Variants in HCN1 observed in about 807,000 individuals in gnomAD.
HCN1 encodes hyperpolarization activated cyclic nucleotide gated potassium channel 1, also known as potassium/sodium hyperpolarization-activated cyclic nucleotide-gated channel 1.
Under a neutral mutation model 78.9 loss-of-function variants are expected in HCN1, and 13 were observed. The ratio of observed to expected loss-of-function variants is 0.16; its 90% CI spans 0.11 to 0.26. The LOEUF is 0.26. Among genes scored for constraint, HCN1 ranks in the 10% least tolerant of loss-of-function variants. The pLI, the probability that HCN1 is intolerant of heterozygous loss-of-function variation, is 1.00. For missense variants in HCN1, 810 were observed against 1,154.3 expected (o/e 0.70, Z 4.32); for synonymous variants, 552 against 455.5 (o/e 1.21, Z -2.70).
chr5:45,494,569 T>C (rs918259951), intron 2 of HCN1, among the ~76,000 whole-genome samples: 2 of 151,998 alleles, frequency 1.3e-5, no homozygotes, highest in Non-Finnish European at 2.9e-5. Context: ...ACTCTGATGG[T>C]AGTTTCTTTT....
intron 2 of HCN1, among the ~76,000 whole-genome samples, chr5:45,614,701 C>A (rs1744907661): frequency 6.6e-6 from 1 of 152,092 alleles, no homozygotes; most frequent in Non-Finnish European, 1.5e-5. Flanking sequence ...CGTTTTAATA[C>A]TAAATGAGCT....
At chr5:45,326,346 A>C (rs1186750676) in intron 5 of HCN1, among the ~76,000 whole-genome samples, 2 of 151,668 alleles carry the variant, frequency 1.3e-5, no homozygotes, top group Non-Finnish European at 3.0e-5. Context: ...ACGTAGTTGT[A>C]ACCATAATGT....
intron 5 of HCN1, among the ~76,000 whole-genome samples, chr5:45,325,026 G>A (rs1449332249): frequency 6.6e-6 from 1 of 151,690 alleles, no homozygotes; most frequent in East Asian, 1.9e-4. Flanking sequence ...CAGGTGGGAA[G>A]AAGTTTGTAG....
rs568146337 is a variant in HCN1 at position 45,541,182 on chromosome 5, A to C, written c.850-79175T>G. On this transcript the variant is annotated intron_variant, in intron 2 of 7. Coordinates refer to ENST00000303230, the MANE Select transcript of HCN1 (RefSeq NM_021072.4). Reference sequence around the variant, plus strand: ...ATGGTACAAAATGTTTATAGAAATTAATGTATAGAAACTAATGATGGCAGT... The same window carrying C: ...ATGGTACAAAATGTTTATAGAAATTCATGTATAGAAACTAATGATGGCAGT... Among the ~76,000 whole-genome samples the C allele has an allele frequency of 1.2e-3, 180 of 152,314 alleles. 1 individual carries two copies. The highest frequency in any genetic ancestry group is 4.1e-3 in the African/African-American group (171 of 41,590).
At chr5:45,613,208 T>C (rs1744875513) in intron 2 of HCN1, among the ~76,000 whole-genome samples, 1 of 135,712 alleles carries the variant, frequency 7.4e-6, no homozygotes, top group African/African-American at 2.8e-5. Flanking sequence ...CCTGTGTCCA[T>C]GTGATCTCAT....
chr5:45,621,603 G>C (rs1354649216), intron 2 of HCN1, among the ~76,000 whole-genome samples: 1 of 152,112 alleles, frequency 6.6e-6, no homozygotes, highest in Admixed American at 6.5e-5. Flanking sequence ...TTCAGTTTAC[G>C]TTCAGAGGAC....
At chr5:45,657,960 C>G (rs183102474) in intron 1 of HCN1, among the ~76,000 whole-genome samples, 4 of 152,044 alleles carry the variant, frequency 2.6e-5, no homozygotes, top group Non-Finnish European at 5.9e-5. Context: ...AGAACAAAGC[C>G]GGAGGCATCA....
chr5:45,643,106 T>C (rs949625741), intron 2 of HCN1: 2 of 152,138 alleles, frequency 1.3e-5, no homozygotes, highest in African/African-American at 4.8e-5. Context: ...AGCAGTGAGC[T>C]GATGTTCCTA....
At chr5:45,366,011 A>G (rs1365108150) in intron 4 of HCN1, among the ~76,000 whole-genome samples, 4 of 151,914 alleles carry the variant, frequency 2.6e-5, no homozygotes, top group Non-Finnish European at 5.9e-5. Flanking sequence ...CAATTAGCAT[A>G]AATCTAGAGA....
At chr5:45,624,293 C>G (rs1341672013) in intron 2 of HCN1, among the ~76,000 whole-genome samples, 1 of 152,078 alleles carries the variant, frequency 6.6e-6, no homozygotes, top group African/African-American at 2.4e-5. Context: ...CAATAACCCA[C>G]GCAAGAGATT....
intron 2 of HCN1, among the ~76,000 whole-genome samples, chr5:45,470,007 C>T (rs1439706559): frequency 6.6e-6 from 1 of 151,984 alleles, no homozygotes; most frequent in African/African-American, 2.4e-5. Context: ...TCGCTTATTG[C>T]ACCATTTGAT....
At chr5:45,493,161 GC>G (rs1741929206) in intron 2 of HCN1, among the ~76,000 whole-genome samples, 1 of 151,982 alleles carries the variant, frequency 6.6e-6, no homozygotes, top group African/African-American at 2.4e-5. Flanking sequence ...CTGAGTTTTT[GC>G]AGCTCAACTG....
chr5:45,542,674 C>T (rs1020650126), intron 2 of HCN1, among the ~76,000 whole-genome samples: 10 of 152,070 alleles, frequency 6.6e-5, no homozygotes, highest in African/African-American at 2.4e-4. Flanking sequence ...GTGAAATTCA[C>T]CCACGAGGAC....
intron 2 of HCN1, among the ~76,000 whole-genome samples, chr5:45,508,572 G>T (rs1241509311): frequency 6.6e-6 from 1 of 151,870 alleles, no homozygotes; most frequent in Non-Finnish European, 1.5e-5. Context: ...AAAGACAAAG[G>T]GTATGTCCTA....
At chr5:45,339,955 G>A (rs1000252862) in intron 5 of HCN1, among the ~76,000 whole-genome samples, 2 of 152,094 alleles carry the variant, frequency 1.3e-5, no homozygotes, top group Admixed American at 1.3e-4. Flanking sequence ...TTTTGCTCTT[G>A]TTGCCCAGGC....
chr5:45,579,196 C>T lies in HCN1; in HGVS notation c.849+65989G>A, dbSNP rs150182972. Among the ~76,000 whole-genome samples the T allele has an allele frequency of 2.4e-3, 371 of 152,110 alleles. 12 individuals carry two copies. In the East Asian group the frequency reaches 0.054, roughly 22 times the overall value. ...TAAACTTAAATCCTAAAAATTTAGT[C>T]AAATTCTCAAAGTTTACAAATGACA... On this transcript the variant is annotated intron_variant, in intron 2 of 7. Transcript: ENST00000303230.
Position 45,531,961 on chromosome 5 carries a change from AC to A in HCN1, c.850-69955del, listed in dbSNP as rs546426315. Among the ~76,000 whole-genome samples, 894 of 152,020 alleles carry A rather than the reference AC, an allele frequency of 5.9e-3. 5 individuals are homozygous for A. Among genetic ancestry groups the A allele is most frequent in the African/African-American group, 0.02 (843 of 41,462 alleles). On this transcript the variant is annotated intron_variant, in intron 2 of 7. Coordinates refer to ENST00000303230, the MANE Select transcript of HCN1 (RefSeq NM_021072.4). ...AGGCTGAGGCAGGAGAATTGCTTGAACCCGGGAGGCAGAGGTTGCAGAGAGC... is the reference window on the plus strand; with the variant it reads ...AGGCTGAGGCAGGAGAATTGCTTGAACCGGGAGGCAGAGGTTGCAGAGAGC...
At chr5:45,673,317 T>C (rs1662632983) in intron 1 of HCN1, among the ~76,000 whole-genome samples, 1 of 151,554 alleles carries the variant, frequency 6.6e-6, no homozygotes, top group Non-Finnish European at 1.5e-5. Flanking sequence ...TTAACTGTAA[T>C]GTTAGTCCAG....
At chr5:45,404,077 T>C (rs187743337) in intron 3 of HCN1, among the ~76,000 whole-genome samples, 118 of 152,288 alleles carry the variant, frequency 7.7e-4, no homozygotes, top group Middle Eastern at 3.4e-3. Flanking sequence ...TTTAATCTAC[T>C]ACCATTGAAT....
Sources: gnomAD v4.1 joint callset for allele counts (sites outside exome capture counted in the v4.1 genomes callset) on GRCh38, gnomAD v4.1.1 for gene constraint, MANE v1.5 for transcripts, NCBI Gene and HGNC (gene_info 2026-07-23, HGNC 2026-07-21) for gene names.